The following PPFIBP1 variants were observed in gnomAD, a reference collection of about 807,000 sequenced individuals.
The protein encoded by PPFIBP1 is liprin-beta-1.
A neutral mutation model predicts 137.8 loss-of-function variants in PPFIBP1; 112 were observed. That is an observed-to-expected ratio of 0.81 (90% CI 0.70 to 0.95). PPFIBP1 has a LOEUF of 0.95. Among genes scored for constraint, PPFIBP1 ranks in the 40% least tolerant of loss-of-function variants. The pLI is 0.00. For missense variants in PPFIBP1, 1,083 were observed against 1,196.6 expected, an observed-to-expected ratio of 0.91 and a Z score of 1.40; for synonymous variants, 378 against 417.3, an observed-to-expected ratio of 0.91 and a Z score of 1.15.
intron 1 of PPFIBP1, among the ~76,000 whole-genome samples, chr12:27,554,392 G>C (rs887012077): frequency 2.6e-5 from 4 of 152,174 alleles, no homozygotes; most frequent in African/African-American, 9.7e-5. Context: ...CTCACTACAG[G>C]GTTCTTATTC....
chr12:27,614,744 A>T (rs1305042067), intron 2 of PPFIBP1, among the ~76,000 whole-genome samples: 1 of 152,226 alleles, frequency 6.6e-6, no homozygotes, highest in Non-Finnish European at 1.5e-5. Flanking sequence ...AATTTTTTCA[A>T]TAAAAAAAAT....
chr12:27,692,714 C>T (rs2061625559), intron 29 of PPFIBP1, 58 bp downstream of exon 29: 1 of 1,613,842 alleles, frequency 6.2e-7, no homozygotes, highest in African/African-American at 1.3e-5. Context: ...ATAACAACCC[C>T]AAAGGACCAC....
intron 17 of PPFIBP1, among the ~76,000 whole-genome samples, chr12:27,674,493 C>T (rs1040446481): frequency 2.0e-5 from 3 of 152,176 alleles, no homozygotes; most frequent in East Asian, 3.9e-4. Flanking sequence ...GTTTTGCTTT[C>T]GAATGATGGA....
chr12:27,593,801 G>T, intron 2 of PPFIBP1: 2 of 1,081,380 alleles, frequency 1.8e-6, no homozygotes, highest in East Asian at 2.7e-5. Flanking sequence ...AAAACTGTCT[G>T]GTTCGTCCTG....
Position 27,674,227 on chromosome 12 carries a change from T to C in PPFIBP1, c.1410+6T>C, listed in dbSNP as rs757276233. The C allele has an allele frequency of 5.0e-6, 8 of 1,588,288 alleles. No individual in the cohort carries two copies. The highest frequency in any genetic ancestry group is 6.9e-6 in the Non-Finnish European group (8 of 1,165,062). On this transcript the variant is annotated splice_donor_region_variant and intron_variant, in intron 17 of 29. Transcript: ENST00000228425. The stretch of plus-strand genomic sequence containing the variant: ...CTATTCAGAAGACTTCAGAGGTAAC[T>C]TTTTGTCCAAATTACAATGCAAAAA...
chr12:27,620,035 T>G (rs2138509333), intron 2 of PPFIBP1, among the ~76,000 whole-genome samples: 1 of 152,130 alleles, frequency 6.6e-6, no homozygotes, highest in African/African-American at 2.4e-5. Flanking sequence ...ATAGCTAGTG[T>G]CCCATCACCA....
intron 27 of PPFIBP1, among the ~76,000 whole-genome samples, chr12:27,689,657 C>T (rs144198794): frequency 1.3e-5 from 2 of 152,196 alleles, no homozygotes; most frequent in Admixed American, 6.5e-5. Flanking sequence ...TTTTTTATCT[C>T]GTTTTCCCGC....
At chr12:27,537,470 T>A (rs1306108423) in intron 1 of PPFIBP1, among the ~76,000 whole-genome samples, 1 of 152,092 alleles carries the variant, frequency 6.6e-6, no homozygotes, top group African/African-American at 2.4e-5. Context: ...CAGACAAATT[T>A]TCCAAGTAAG....
intron 2 of PPFIBP1, among the ~76,000 whole-genome samples, chr12:27,590,955 C>T (rs2052431965): frequency 1.3e-5 from 2 of 152,134 alleles, no homozygotes; most frequent in South Asian, 4.1e-4. Context: ...TTACAACCAA[C>T]CTCCCCTTGC....
intron 1 of PPFIBP1, among the ~76,000 whole-genome samples, chr12:27,570,428 A>T (rs919895529): frequency 6.6e-6 from 1 of 152,198 alleles, no homozygotes; most frequent in East Asian, 1.9e-4. Flanking sequence ...AGGCTGATTG[A>T]TTTCAAATTC....
chr12:27,673,702 T>C, intron 15 of PPFIBP1, 65 bp from the exon 16 acceptor site: 1 of 1,369,690 alleles, frequency 7.3e-7, no homozygotes, highest in South Asian at 1.2e-5. Flanking sequence ...CTTTCCAAGA[T>C]GTTTTACTTA....
intron 1 of PPFIBP1, among the ~76,000 whole-genome samples, chr12:27,573,819 C>A (rs983364365): frequency 1.1e-4 from 16 of 151,780 alleles, no homozygotes; most frequent in African/African-American, 3.9e-4. Context: ...CTCATCAGTA[C>A]AAAAAAATAA....
At chr12:27,658,363 T>C (rs970582382) in intron 9 of PPFIBP1, among the ~76,000 whole-genome samples, 1 of 152,170 alleles carries the variant, frequency 6.6e-6, no homozygotes, top group African/African-American at 2.4e-5. Flanking sequence ...GGACTCATCT[T>C]ACTGGACAGG....
chr12:27,563,990 A>G (rs1032075397), intron 1 of PPFIBP1, among the ~76,000 whole-genome samples: 1 of 151,006 alleles, frequency 6.6e-6, no homozygotes, highest in East Asian at 2.0e-4. Context: ...CTCCTGCCTT[A>G]GCCTCCTGAG....
chr12:27,692,513 T>C (rs926241642), intron 28 of PPFIBP1, 78 bp from the exon 29 acceptor site: 1 of 1,336,696 alleles, frequency 7.5e-7, no homozygotes, highest in Non-Finnish European at 1.1e-6. Context: ...TATTTCTTCT[T>C]AGACTTTTGT....
At chr12:27,654,406 GA>G in intron 7 of PPFIBP1, 1 of 187,976 alleles carries the variant, frequency 5.3e-6, no homozygotes, top group Non-Finnish European at 1.1e-5. Flanking sequence ...AAATAGCATA[GA>G]GTCATTTTTA....
At chr12:27,626,950 T>C (rs886342686) in intron 2 of PPFIBP1, among the ~76,000 whole-genome samples, 1 of 152,174 alleles carries the variant, frequency 6.6e-6, no homozygotes, top group Non-Finnish European at 1.5e-5. Context: ...TAGATCTGGT[T>C]TGGGTTTTGT....
chr12:27,687,334 C>A, intron 24 of PPFIBP1, 51 bp from the exon 25 acceptor site: 1 of 1,571,606 alleles, frequency 6.4e-7, no homozygotes, highest in South Asian at 1.2e-5. Context: ...TAAGAAAGTC[C>A]TCCTGCTACA....
intron 1 of PPFIBP1, among the ~76,000 whole-genome samples, chr12:27,543,912 A>C (rs1200795742): frequency 2.7e-5 from 3 of 110,972 alleles, no homozygotes; most frequent in South Asian, 2.8e-4. Flanking sequence ...ACAAGGTCTC[A>C]CTCTGTTGTC....
Sources: allele counts gnomAD v4.1 joint callset (sites outside exome capture counted in the v4.1 genomes callset), GRCh38; gene constraint gnomAD v4.1.1; transcripts MANE v1.5; gene names NCBI Gene and HGNC (gene_info 2026-07-23, HGNC 2026-07-21).